RPL18: variants seen among roughly 807,000 people sequenced by gnomAD.
The protein encoded by RPL18 is ribosomal protein L18, also known as large ribosomal subunit protein eL18.
In RPL18, 4 loss-of-function variants were observed where a neutral mutation model predicts 25.0. The observed-to-expected ratio is 0.16, with a 90% CI of 0.08 to 0.37. RPL18 has a LOEUF of 0.37. RPL18 is among the 10% of genes least tolerant of loss of function. RPL18 has a pLI of 1.00. For missense variants in RPL18, 179 were observed against 267.9 expected, an observed-to-expected ratio of 0.67 and a Z score of 2.32; for synonymous variants, 129 against 101.6, an observed-to-expected ratio of 1.27 and a Z score of -1.62.
Position 48,617,936 on chromosome 19 carries a change from C to A in RPL18, c.4-59G>T, listed in dbSNP as rs879908670. On this transcript the variant is annotated intron_variant, in intron 1 of 6. Transcript: ENST00000549920. ...TACCCCCAACCATAGCCAATTATTACTTATTTCTGAAACTGAGAGCTGGGA... is the reference window on the plus strand; with the variant it reads ...TACCCCCAACCATAGCCAATTATTAATTATTTCTGAAACTGAGAGCTGGGA... 3 of 1,311,696 alleles carry A rather than the reference C, an allele frequency of 2.3e-6. No homozygotes were observed. The Admixed American group carries it at 5.1e-5, about 22-fold the overall frequency. 81.3% of individuals were successfully genotyped at this position (1,311,696 alleles called of 1,614,324 possible). A position where few individuals can be genotyped will look rare whatever the true frequency, so the allele number is the denominator to read the frequency against.
rs1199908476 is a variant in RPL18 at position 48,616,063 on chromosome 19, A to C, written c.421+16T>G. On this transcript the variant is annotated intron_variant, in intron 5 of 6. Coordinates refer to ENST00000549920, the MANE Select transcript of RPL18 (RefSeq NM_000979.4). ...CACACAGCTCAGTCCAAACCCGTCG[A>C]CCACGTATCACTCACCGGAGAGCAG... The C allele has an allele frequency of 2.5e-6, 4 of 1,613,986 alleles. No individual in the cohort carries two copies. Among genetic ancestry groups the C allele is most frequent in the African/African-American group, 2.7e-5 (2 of 74,922 alleles).
rs368131281 is a variant in RPL18, at chr19:48,615,931, C to T, written c.437G>A (p.Arg146Gln). The T allele has an allele frequency of 9.9e-6, 16 of 1,613,746 alleles. No individual in the cohort carries two copies. In the African/African-American group the frequency reaches 1.3e-4, roughly 13 times the overall value. The change falls in exon 6 of 7, where the codon CGA becomes CAA. Residue 146 changes from arginine (R) to glutamine (Q), a missense_variant. By Grantham distance (43) the Arg-to-Gln change is conservative (BLOSUM62 1). Coordinates refer to ENST00000549920, the MANE Select transcript of RPL18 (RefSeq NM_000979.4). ...TVLLSGPRKGREVYRHFGKAP... is the reference protein window; with the variant it reads ...TVLLSGPRKGQEVYRHFGKAP... ...CTTGCCGAAATGCCGGTACACCTCT[C>T]GGCCCTTGCGAGGACCTAGGGAAGG...
intron 2 of RPL18, 108 bp from the exon 3 acceptor site, chr19:48,617,531 T>C (rs761478751): frequency 3.3e-6 from 3 of 896,240 alleles, no homozygotes; most frequent in Admixed American, 2.2e-5. Flanking sequence ...CTTTATCCCT[T>C]TCCCCCAACC....
Position 48,617,416 on chromosome 19 carries a change from C to G in RPL18, c.98G>C (p.Arg33Thr). Residue 33 changes from arginine (R) to threonine (T), a missense_variant, in exon 3 of 7, where the codon AGG becomes ACG. Transcript: ENST00000549920. Reference protein sequence around the residue: ...IYLRLLVKLYRFLARRTNSTF... With the variant: ...IYLRLLVKLYTFLARRTNSTF... Reference sequence around the variant, plus strand: ...GGAGTTGGTTCTTCTGGCCAGAAACCTGTATAACTGGAGGGACGGGAAGAC... The same window carrying G: ...GGAGTTGGTTCTTCTGGCCAGAAACGTGTATAACTGGAGGGACGGGAAGAC... 6.2e-7 allele frequency: 1 copy of G among 1,613,522 alleles called. No homozygotes were observed. The highest frequency in any genetic ancestry group is 8.5e-7 in the Non-Finnish European group (1 of 1,179,438).
At chr19:48,617,134 G>C in intron 3 of RPL18, 182 bp downstream of exon 3, 1 of 727,592 alleles carries the variant, frequency 1.4e-6, no homozygotes, top group African/African-American at 1.7e-5. Context: ...AGGACCAGGA[G>C]ACTTGCCCAC....
Position 48,616,642 on chromosome 19 carries a change from A to G in RPL18, c.297+84T>C, listed in dbSNP as rs531361990. On this transcript the variant is annotated intron_variant, in intron 4 of 6. Coordinates refer to ENST00000549920, the MANE Select transcript of RPL18 (RefSeq NM_000979.4). Reference sequence around the variant, plus strand: ...CCAGCGGTGGCAAGACTGAGGATGGACCAGCACAGCACAGCACAGCACAGC... The same window carrying G: ...CCAGCGGTGGCAAGACTGAGGATGGGCCAGCACAGCACAGCACAGCACAGC... The G allele has an allele frequency of 2.4e-3, 1,715 of 718,436 alleles. 35 individuals carry two copies. The highest frequency in any genetic ancestry group is 3.7e-4 in the Admixed American group (15 of 40,314). The allele number at this position is 718,436 out of a possible 1,614,324, so 44.5% of individuals were successfully genotyped here. A position where few individuals can be genotyped will look rare whatever the true frequency, so the allele number is the denominator to read the frequency against.
chr19:48,618,099 G>A (rs1017192574), intron 1 of RPL18: 3 of 457,824 alleles, frequency 6.6e-6, no homozygotes, highest in Non-Finnish European at 7.9e-6. Flanking sequence ...CTGAAACATC[G>A]TAACACAGCA....
At position 48,619,173 on chromosome 19, in the gene RPL18, A is replaced by T; in HGVS notation, c.-30T>A. The T allele has an allele frequency of 6.3e-7, 1 of 1,584,830 alleles. No individual in the cohort carries two copies. Among genetic ancestry groups the T allele is most frequent in the Non-Finnish European group, 8.6e-7 (1 of 1,164,974 alleles). ...GCGCCTCCTGCTCGGCCAGGTCCGGAAAGAGAGAACGGGCTGGGGTGGGCG... is the reference window on the plus strand; with the variant it reads ...GCGCCTCCTGCTCGGCCAGGTCCGGTAAGAGAGAACGGGCTGGGGTGGGCG... On this transcript the variant is annotated 5_prime_UTR_variant, in exon 1 of 7. Coordinates refer to ENST00000549920, the MANE Select transcript of RPL18 (RefSeq NM_000979.4).
chr19:48,616,886 G>T, intron 3 of RPL18, 62 bp from the exon 4 acceptor site: 2 of 1,249,284 alleles, frequency 1.6e-6, no homozygotes, highest in Non-Finnish European at 1.2e-6. Context: ...CCCCGCTTGA[G>T]GCATCCCCAG....
intron 3 of RPL18, 61 bp from the exon 4 acceptor site, chr19:48,616,885 A>G: frequency 4.0e-6 from 5 of 1,249,462 alleles, no homozygotes; most frequent in Non-Finnish European, 5.9e-6. Context: ...GCCCCGCTTG[A>G]GGCATCCCCA....
rs1974174659 is a variant in RPL18 at position 48,616,485 on chromosome 19, T to C, written c.297+241A>G. Reference sequence around the variant, plus strand: ...TAGACTTGAGCCCAGGCTGTCTGGCTCTAGGGGCCAGCACTAACAGTTTAC... The same window carrying C: ...TAGACTTGAGCCCAGGCTGTCTGGCCCTAGGGGCCAGCACTAACAGTTTAC... On this transcript the variant is annotated intron_variant, in intron 4 of 6. Transcript: ENST00000549920. 3.3e-5 allele frequency: 23 copies of C among 687,918 alleles called. No homozygotes were observed. In the South Asian group the frequency reaches 3.6e-4, roughly 11 times the overall value. The allele number at this position is 687,918 out of a possible 1,614,324, so 42.6% of individuals were successfully genotyped here.
Position 48,619,130 on chromosome 19 carries a change from A to G in RPL18, c.3+11T>C. On this transcript the variant is annotated intron_variant, in intron 1 of 6. Coordinates refer to ENST00000549920, the MANE Select transcript of RPL18 (RefSeq NM_000979.4). ...GATTATCCAGCCCCGAACGCCGCAA[A>G]GCGAGCTCACCATGATGGCGCCTCC... The G allele has an allele frequency of 6.6e-7, 1 of 1,505,694 alleles. No homozygotes were observed. The highest frequency in any genetic ancestry group is 2.8e-5 in the East Asian group (1 of 35,106). 93.3% of individuals were successfully genotyped at this position (1,505,694 alleles called of 1,614,324 possible).
At chr19:48,616,512 A>G (rs1246577913) in intron 4 of RPL18, 2 of 702,386 alleles carry the variant, frequency 2.8e-6, no homozygotes, top group Admixed American at 4.0e-5. Context: ...ACAGTTTACA[A>G]CTTGCCCCAG....
In RPL18 at chr19:48,615,378, T is replaced by C. The variant is rs1190443086; in HGVS notation, c.561A>G (p.Lys187=). 6.2e-7 allele frequency: 1 copy of C among 1,611,568 alleles called. No homozygotes were observed. The highest frequency in any genetic ancestry group is 2.2e-5 in the East Asian group (1 of 44,850). The change falls in exon 7 of 7, where the codon AAA becomes AAG. Residue 187 remains lysine (K), a synonymous_variant. Coordinates refer to ENST00000549920, the MANE Select transcript of RPL18 (RefSeq NM_000979.4). ...AAGAGAGTAGGATCCAGGGTTAGTT[T>C]TTGTAGCCTCGGCTGGCCCGTCGGC... is the stretch of plus-strand genomic sequence containing the variant. ...ARGRRASRGY[K]N is the part of the protein sequence containing the mutation.
At chr19:48,619,112 C>CA (rs2147661773) in intron 1 of RPL18, 29 bp downstream of exon 1, 5 of 1,597,606 alleles carry the variant, frequency 3.1e-6, no homozygotes, top group East Asian at 4.5e-5. Context: ...GCGGATTATC[C>CA]AGCCCCGAAC....
rs1397433551 is a variant in RPL18 at position 48,619,166 on chromosome 19, G to A, written c.-23C>T. ...CATGATGGCGCCTCCTGCTCGGCCA[G>A]GTCCGGAAAGAGAGAACGGGCTGGG... On this transcript the variant is annotated 5_prime_UTR_variant, in exon 1 of 7. Transcript: ENST00000549920. The A allele has an allele frequency of 1.3e-6, 2 of 1,590,992 alleles. No homozygotes were observed. Among genetic ancestry groups the A allele is most frequent in the African/African-American group, 1.3e-5 (1 of 74,868 alleles).
Position 48,615,510 on chromosome 19 carries a change from AG to A in RPL18, c.492-64del, listed in dbSNP as rs1974141117. 7 of 1,210,826 alleles carry A rather than the reference AG, an allele frequency of 5.8e-6. No individual in the cohort carries two copies. The East Asian group carries it at 1.2e-4, about 20-fold the overall frequency. The allele number at this position is 1,210,826 out of a possible 1,614,324, so 75.0% of individuals were successfully genotyped here. ...AAAGGAGGCCATTGTGGAGTGGCAC[AG>A]GAACACCACAAGCCTGTCACATTCA... On this transcript the variant is annotated intron_variant, in intron 6 of 6. Coordinates refer to ENST00000549920, the MANE Select transcript of RPL18 (RefSeq NM_000979.4).
rs1229711855 is a variant in RPL18, at chr19:48,616,222, TGGC to T, written c.298-23_298-21del. 6.2e-7 allele frequency: 1 copy of T among 1,612,318 alleles called. No individual in the cohort carries two copies. The highest frequency in any genetic ancestry group is 8.5e-7 in the Non-Finnish European group (1 of 1,179,742). On this transcript the variant is annotated intron_variant, in intron 4 of 6. Transcript: ENST00000549920. ...ACATACCTGGTGGAGAGGACAAGGC[TGGC>T]GGGTCAGACCCCTGCGTGGTCACCC...
intron 1 of RPL18, chr19:48,618,165 A>C (rs1020176721): frequency 7.2e-6 from 2 of 277,698 alleles, no homozygotes; most frequent in East Asian, 8.4e-5. Context: ...TTTTGCAACA[A>C]TGTTATCAAA....
Sources: gnomAD v4.1 joint callset for allele counts on GRCh38, gnomAD v4.1.1 for gene constraint, MANE v1.5 for transcripts, NCBI Gene and HGNC (gene_info 2026-07-23, HGNC 2026-07-21) for gene names.